SLC16A12: variants seen among roughly 807,000 people sequenced by gnomAD.
The protein encoded by SLC16A12 is monocarboxylate transporter 12.
SLC16A12 carries 17 observed loss-of-function variants against 42.4 expected under a neutral mutation model. The ratio of observed to expected loss-of-function variants is 0.40; its 90% CI spans 0.27 to 0.60. The LOEUF (loss-of-function observed/expected upper bound fraction) is 0.60, where lower values mean the gene tolerates loss of function less well. Among genes scored for constraint, SLC16A12 ranks in the 20% least tolerant of loss-of-function variants. The pLI, the probability that SLC16A12 is intolerant of heterozygous loss-of-function variation, is 0.42. For missense variants in SLC16A12, 544 were observed against 623.0 expected (o/e 0.87, Z 1.35); for synonymous variants, 224 against 229.4 (o/e 0.98, Z 0.21).
At chr10:89,547,341 A>C (rs1843747786) in intron 2 of SLC16A12, among the ~76,000 whole-genome samples, 1 of 152,252 alleles carries the variant, frequency 6.6e-6, no homozygotes, top group Non-Finnish European at 1.5e-5. Flanking sequence ...TTAGAAAAGA[A>C]ATTATTTGTG....
upstream of SLC16A12, among the ~76,000 whole-genome samples, chr10:89,537,457 C>T (rs1473686308): frequency 6.6e-6 from 1 of 152,048 alleles, no homozygotes; most frequent in Non-Finnish European, 1.5e-5. Context: ...AATTTAAGTC[C>T]TATTTTCACT....
At chr10:89,543,537 G>A (rs1843727575) in intron 2 of SLC16A12, among the ~76,000 whole-genome samples, 1 of 152,118 alleles carries the variant, frequency 6.6e-6, no homozygotes, top group Non-Finnish European at 1.5e-5. Context: ...ACTTATAAAA[G>A]TGCTTAGCTG....
At chr10:89,554,060 G>T (rs1381700920) in intron 2 of SLC16A12, among the ~76,000 whole-genome samples, 6 of 88,056 alleles carry the variant, frequency 6.8e-5, no homozygotes, top group Admixed American at 1.1e-4. Flanking sequence ...AAGAAAGAAA[G>T]AAAGAAAGAA....
upstream of SLC16A12, among the ~76,000 whole-genome samples, chr10:89,538,105 G>T (rs953203014): frequency 2.6e-5 from 4 of 152,252 alleles, no homozygotes; most frequent in Non-Finnish European, 5.9e-5. Context: ...GTGGAGAAAG[G>T]GAGATGCACA....
chr10:89,469,561 G>A (rs1842460724), intron 2 of SLC16A12, among the ~76,000 whole-genome samples: 2 of 152,150 alleles, frequency 1.3e-5, no homozygotes, highest in Admixed American at 6.6e-5. Flanking sequence ...GTTTTGGAAG[G>A]CCCCCAACAT....
intron 2 of SLC16A12, among the ~76,000 whole-genome samples, chr10:89,475,371 C>G (rs992519219): frequency 1.3e-5 from 2 of 152,172 alleles, no homozygotes; most frequent in Non-Finnish European, 2.9e-5. Flanking sequence ...TAAGAAACCC[C>G]TCTCTCTCTG....
At chr10:89,520,332 C>A (rs1339419482) in intron 2 of SLC16A12, among the ~76,000 whole-genome samples, 1 of 152,096 alleles carries the variant, frequency 6.6e-6, no homozygotes, top group South Asian at 2.1e-4. Flanking sequence ...ATGCTCAAAG[C>A]AAGGCAATTT....
At chr10:89,531,325 G>T (rs758306803) in intron 2 of SLC16A12, among the ~76,000 whole-genome samples, 9 of 152,100 alleles carry the variant, frequency 5.9e-5, no homozygotes, top group Non-Finnish European at 1.2e-4. Flanking sequence ...CTTGAACCAG[G>T]GAGGCGGATG....
intron 2 of SLC16A12, among the ~76,000 whole-genome samples, chr10:89,532,675 C>T (rs12354790): frequency 0.038 from 5,783 of 152,186 alleles, 158 homozygotes; most frequent in Middle Eastern, 0.058. Flanking sequence ...TGGCTGTATA[C>T]GACTGAAAAA....
intron 2 of SLC16A12, among the ~76,000 whole-genome samples, chr10:89,481,394 G>T (rs533451940): frequency 6.6e-5 from 10 of 152,028 alleles, no homozygotes; most frequent in Admixed American, 5.9e-4. Flanking sequence ...TATACTTGGC[G>T]TAGTTGACAT....
chr10:89,523,207 G>A (rs1435111211), intron 2 of SLC16A12, among the ~76,000 whole-genome samples: 2 of 152,190 alleles, frequency 1.3e-5, no homozygotes, highest in African/African-American at 4.8e-5. Flanking sequence ...AAGAAGGGAA[G>A]AGAAGGAAAA....
chr10:89,530,321 C>G (rs1278978403), intron 2 of SLC16A12, among the ~76,000 whole-genome samples: 1 of 152,150 alleles, frequency 6.6e-6, no homozygotes, highest in Admixed American at 6.5e-5. Flanking sequence ...GTTCATGTTG[C>G]TTTTTAAAAA....
At chr10:89,497,756 A>G (rs1244993808) in intron 2 of SLC16A12, among the ~76,000 whole-genome samples, 1 of 149,694 alleles carries the variant, frequency 6.7e-6, no homozygotes, top group Non-Finnish European at 1.5e-5. Context: ...AAAACCCAAC[A>G]TGATTTCATT....
chr10:89,491,116 C>T (rs542813689), intron 2 of SLC16A12, among the ~76,000 whole-genome samples: 2 of 152,322 alleles, frequency 1.3e-5, no homozygotes, highest in East Asian at 3.9e-4. Context: ...TATACTACCA[C>T]CCCCACTCTC....
chr10:89,541,861 T>C (rs1025670513), intron 2 of SLC16A12, among the ~76,000 whole-genome samples: 2 of 152,222 alleles, frequency 1.3e-5, no homozygotes, highest in African/African-American at 2.4e-5. Context: ...TTATGTCATT[T>C]TTTTCTGAAA....
chr10:89,470,526 G>A (rs1014337069), intron 2 of SLC16A12, among the ~76,000 whole-genome samples: 2 of 152,206 alleles, frequency 1.3e-5, no homozygotes, highest in African/African-American at 4.8e-5. Flanking sequence ...GAAGTGATGG[G>A]GGGATTCCCC....
intron 2 of SLC16A12, among the ~76,000 whole-genome samples, chr10:89,496,918 C>A (rs1336307325): frequency 1.3e-5 from 2 of 152,134 alleles, no homozygotes; most frequent in Non-Finnish European, 2.9e-5. Context: ...TAAAAAGACA[C>A]TCCAATAGAA....
intron 2 of SLC16A12, among the ~76,000 whole-genome samples, chr10:89,494,974 A>G (rs530298336): frequency 6.6e-6 from 1 of 152,320 alleles, no homozygotes; most frequent in African/African-American, 2.4e-5. Flanking sequence ...AGCACCACAC[A>G]AAAACAAGAG....
chr10:89,475,734 C>G (rs1225999481), intron 2 of SLC16A12, among the ~76,000 whole-genome samples: 1 of 152,164 alleles, frequency 6.6e-6, no homozygotes, highest in African/African-American at 2.4e-5. Flanking sequence ...ACTGCCAAAG[C>G]CTCTACATTG....
Sources: gnomAD v4.1 joint callset for allele counts (sites outside exome capture counted in the v4.1 genomes callset) on GRCh38, gnomAD v4.1.1 for gene constraint, MANE v1.5 for transcripts, NCBI Gene and HGNC (gene_info 2026-07-23, HGNC 2026-07-21) for gene names.